The following SLC24A2 variants were observed in gnomAD, a reference collection of about 807,000 sequenced individuals.
SLC24A2 encodes the protein solute carrier family 24 member 2, also known as sodium/potassium/calcium exchanger 2.
In SLC24A2, 36 loss-of-function variants were observed where a neutral mutation model predicts 62.0. That is an observed-to-expected ratio of 0.58 (90% CI 0.44 to 0.77). The LOEUF (loss-of-function observed/expected upper bound fraction) is 0.77. Among genes scored for constraint, SLC24A2 ranks in the 30% least tolerant of loss-of-function variants. The pLI is 0.00. For missense variants in SLC24A2, 846 were observed against 817.9 expected (o/e 1.03, Z -0.42); for synonymous variants, 358 against 294.0 (o/e 1.22, Z -2.23).
the SLC24A2 span, among the ~76,000 whole-genome samples, chr9:20,139,233 T>G: frequency 2.0e-5 from 3 of 152,328 alleles, no homozygotes; most frequent in South Asian, 2.1e-4. Context: ...ATGTAGTGAT[T>G]AAATGCAGGG....
chr9:19,929,565 A>T, the SLC24A2 span: 1 of 152,230 alleles, frequency 6.6e-6, no homozygotes, highest in African/African-American at 2.4e-5. Context: ...AGAATAGCAC[A>T]TACAATTACA....
chr9:20,226,676 G>GC, the SLC24A2 span, among the ~76,000 whole-genome samples: 2 of 152,004 alleles, frequency 1.3e-5, no homozygotes, highest in African/African-American at 4.8e-5. Context: ...ATGAAGACCT[G>GC]AAACAATACA....
At chr9:20,203,925 T>C in the SLC24A2 span, among the ~76,000 whole-genome samples, 1 of 152,184 alleles carries the variant, frequency 6.6e-6, no homozygotes, top group Non-Finnish European at 1.5e-5. Flanking sequence ...GTATTTAGTG[T>C]AGATGGGTGA....
chr9:20,022,991 A>G, the SLC24A2 span, among the ~76,000 whole-genome samples: 1 of 152,200 alleles, frequency 6.6e-6, no homozygotes, highest in Non-Finnish European at 1.5e-5. Context: ...AGCAGACATA[A>G]TATGGAAAAG....
chr9:20,200,809 G>A, the SLC24A2 span, among the ~76,000 whole-genome samples: 1 of 152,190 alleles, frequency 6.6e-6, no homozygotes, highest in African/African-American at 2.4e-5. Context: ...TGTAAGGGTT[G>A]ATTGGATTTT....
At chr9:19,734,450 G>A (rs1319088517) in intron 2 of SLC24A2, among the ~76,000 whole-genome samples, 1 of 152,112 alleles carries the variant, frequency 6.6e-6, no homozygotes, top group African/African-American at 2.4e-5. Context: ...GATGGGGATG[G>A]CATTGAATCT....
At chr9:19,700,502 A>T (rs1820325155) in intron 2 of SLC24A2, among the ~76,000 whole-genome samples, 1 of 152,202 alleles carries the variant, frequency 6.6e-6, no homozygotes, top group African/African-American at 2.4e-5. Flanking sequence ...CGATGTGGAC[A>T]AACAGCAAAC....
At chr9:20,035,217 T>C in the SLC24A2 span, among the ~76,000 whole-genome samples, 1 of 152,206 alleles carries the variant, frequency 6.6e-6, no homozygotes, top group Non-Finnish European at 1.5e-5. Flanking sequence ...CTCTTGATTT[T>C]ACACCCGGAA....
At chr9:20,156,660 C>G in the SLC24A2 span, among the ~76,000 whole-genome samples, 1 of 151,708 alleles carries the variant, frequency 6.6e-6, no homozygotes, top group Non-Finnish European at 1.5e-5. Context: ...CAGTGGCATC[C>G]TACTGTTGTC....
chr9:19,704,024 G>A (rs1015665292), intron 2 of SLC24A2, among the ~76,000 whole-genome samples: 11 of 152,120 alleles, frequency 7.2e-5, no homozygotes, highest in African/African-American at 2.7e-4. Flanking sequence ...ATCATATAGG[G>A]CTTAGTTATA....
the SLC24A2 span, among the ~76,000 whole-genome samples, chr9:20,016,157 A>G: frequency 4.7e-4 from 71 of 152,238 alleles, no homozygotes; most frequent in Non-Finnish European, 8.1e-4. Flanking sequence ...TCTTAGCTAT[A>G]TAATACTTCC....
At chr9:20,224,639 A>C in the SLC24A2 span, among the ~76,000 whole-genome samples, 1 of 150,034 alleles carries the variant, frequency 6.7e-6, no homozygotes, top group Non-Finnish European at 1.5e-5. Context: ...AATGCAATCA[A>C]TTTAGGGGGA....
the SLC24A2 span, among the ~76,000 whole-genome samples, chr9:19,979,835 A>G: frequency 6.6e-6 from 1 of 152,230 alleles, no homozygotes; most frequent in African/African-American, 2.4e-5. Flanking sequence ...TTTGTCACTC[A>G]CAACGCAACT....
chr9:19,590,165 ACAAC>A (rs1164367741), intron 5 of SLC24A2, among the ~76,000 whole-genome samples: 4 of 6,806 alleles, frequency 5.9e-4, no homozygotes, highest in Admixed American at 1.7e-3. Flanking sequence ...GGCTGTGGTA[ACAAC>A]TAACTTCTAA....
At chr9:19,996,745 CAAAAAAAA>C in the SLC24A2 span, among the ~76,000 whole-genome samples, 1 of 66,680 alleles carries the variant, frequency 1.5e-5, no homozygotes, top group Non-Finnish European at 3.0e-5. Flanking sequence ...GACTCCGTCT[CAAAAAAAA>C]AAAAAAAAAA....
intron 2 of SLC24A2, among the ~76,000 whole-genome samples, chr9:19,626,252 C>G (rs1188168162): frequency 6.6e-6 from 1 of 152,230 alleles, no homozygotes; most frequent in African/African-American, 2.4e-5. Context: ...CCACCTCACA[C>G]ACATAAAAAT....
the SLC24A2 span, among the ~76,000 whole-genome samples, chr9:20,302,010 T>A: frequency 6.6e-6 from 1 of 152,240 alleles, no homozygotes; most frequent in African/African-American, 2.4e-5. Context: ...ATATAGACTT[T>A]ACAACTCACT....
the SLC24A2 span, among the ~76,000 whole-genome samples, chr9:20,031,165 C>A: frequency 2.8e-4 from 42 of 151,262 alleles, 1 homozygote; most frequent in African/African-American, 9.2e-4. Flanking sequence ...CATATATATT[C>A]ACATACACAT....
the SLC24A2 span, among the ~76,000 whole-genome samples, chr9:20,279,206 G>C: frequency 6.6e-6 from 1 of 152,156 alleles, no homozygotes; most frequent in Non-Finnish European, 1.5e-5. Flanking sequence ...TTTGGATGGG[G>C]ACACAGCCAA....
Sources: allele counts gnomAD v4.1 joint callset (sites outside exome capture counted in the v4.1 genomes callset), GRCh38; gene constraint gnomAD v4.1.1; transcripts MANE v1.5; gene names NCBI Gene and HGNC (gene_info 2026-07-23, HGNC 2026-07-21).